Variants in VASN observed in about 807,000 individuals in gnomAD.
VASN encodes protein slit-like 2.
VASN carries 5 observed loss-of-function variants against 4.8 expected under a neutral mutation model. That is an observed-to-expected ratio of 1.03 (90% CI 0.54 to 2.17). The LOEUF is 2.17. Among genes scored for constraint, VASN ranks in the 30% most tolerant of loss-of-function variants. The pLI, the probability that VASN is intolerant of heterozygous loss-of-function variation, is 0.01. For synonymous variants in VASN, 499 were observed against 460.8 expected (o/e 1.08, Z -1.06); for missense variants, 927 against 948.8 (o/e 0.98, Z 0.30).
chr16:4,374,757 T>C (rs569522624), intron 1 of VASN, among the ~76,000 whole-genome samples: 1 of 151,916 alleles, frequency 6.6e-6, no homozygotes, highest in South Asian at 2.1e-4. Flanking sequence ...CCTGGGTGAT[T>C]GTGGGGGGTT....
At chr16:4,376,287 G>A (rs1247205672) in intron 1 of VASN, among the ~76,000 whole-genome samples, 2 of 152,216 alleles carry the variant, frequency 1.3e-5, no homozygotes, top group Admixed American at 6.5e-5. Context: ...GGAGCCAGCC[G>A]TCCTGGCCGC....
At chr16:4,373,778 GC>G (rs1215152774) in intron 1 of VASN, among the ~76,000 whole-genome samples, 1 of 152,164 alleles carries the variant, frequency 6.6e-6, no homozygotes, top group Admixed American at 6.5e-5. Context: ...AGAAAGCAGG[GC>G]CCTGCTGAGC....
rs770372960 is a variant in VASN, at chr16:4,382,370, A to T, written c.1493A>T (p.Tyr498Phe). 1.2e-6 allele frequency: 2 copies of T among 1,612,072 alleles called. No homozygotes were observed. Among genetic ancestry groups the T allele is most frequent in the East Asian group, 2.2e-5 (1 of 44,872 alleles). Residue 498 changes from tyrosine (Y) to phenylalanine (F), a missense_variant, in exon 2 of 2, where the codon TAT becomes TTT. Transcript: ENST00000304735. The stretch of plus-strand genomic sequence containing the variant: ...CAGCTCAGGAGCCTCCGTCTCACCT[A>T]TCGCAACCTATCGGGCCCTGATAAG... Reference protein sequence around the residue: ...SVQLRSLRLTYRNLSGPDKRL... With the variant: ...SVQLRSLRLTFRNLSGPDKRL...
Position 4,382,743 on chromosome 16 carries a change from G to C in VASN, c.1866G>C (p.Leu622=). 1.3e-6 allele frequency: 2 copies of C among 1,556,500 alleles called. No individual in the cohort carries two copies. Among genetic ancestry groups the C allele is most frequent in the Non-Finnish European group, 1.7e-6 (2 of 1,151,090 alleles). Residue 622 remains leucine, a synonymous_variant, in exon 2 of 2, where the codon CTG becomes CTC. Transcript: ENST00000304735. ...AGGTGGGGCCAGGGGCTGGGCCCCT[G>C]GAACTGGAGGGAGTGAAGGTCCCCT... The part of the protein sequence containing the change: ...KGQVGPGAGP[L]ELEGVKVPLE...
intron 1 of VASN, among the ~76,000 whole-genome samples, chr16:4,372,683 T>G (rs1320345257): frequency 6.6e-6 from 1 of 152,198 alleles, no homozygotes; most frequent in African/African-American, 2.4e-5. Context: ...CTGGCAGTGC[T>G]GGGGCCTGAG....
intron 1 of VASN, among the ~76,000 whole-genome samples, chr16:4,374,760 G>T (rs1397051050): frequency 1.3e-5 from 2 of 152,044 alleles, no homozygotes; most frequent in African/African-American, 4.8e-5. Context: ...GGGTGATTGT[G>T]GGGGGTTCGG....
Position 4,381,831 on chromosome 16 carries a change from C to T in VASN, c.954C>T (p.Val318=), listed in dbSNP as rs778083157. ...WFGPWVRESH[V]TLASPEETRC... Reference sequence around the variant, plus strand: ...GCCCCTGGGTGCGCGAGAGCCACGTCACACTGGCCAGCCCTGAGGAGACGC... The same window carrying T: ...GCCCCTGGGTGCGCGAGAGCCACGTTACACTGGCCAGCCCTGAGGAGACGC... The change falls in exon 2 of 2, where the codon GTC becomes GTT. Residue 318 remains valine (V), a synonymous_variant. Transcript: ENST00000304735. 1 of 1,601,368 alleles carries T rather than the reference C, an allele frequency of 6.2e-7. No individual in the cohort carries two copies. Among genetic ancestry groups the T allele is most frequent in the Admixed American group, 1.7e-5 (1 of 59,992 alleles).
At chr16:4,380,715 C>A (rs1393366145) in intron 1 of VASN, among the ~76,000 whole-genome samples, 154 bp from the exon 2 acceptor site, 1 of 152,248 alleles carries the variant, frequency 6.6e-6, no homozygotes, top group Admixed American at 6.5e-5. Context: ...TGGGACAGAA[C>A]CTGGGTCGGG....
chr16:4,373,026 G>C (rs2054589635), intron 1 of VASN, among the ~76,000 whole-genome samples: 1 of 152,158 alleles, frequency 6.6e-6, no homozygotes, highest in Admixed American at 6.5e-5. Context: ...TGAGGGCATA[G>C]AGGGGTGGCC....
At chr16:4,376,796 C>G (rs530174972) in intron 1 of VASN, among the ~76,000 whole-genome samples, 15 of 152,286 alleles carry the variant, frequency 9.8e-5, no homozygotes, top group Admixed American at 8.5e-4. Context: ...GTGCCCCCTT[C>G]CAGAACCAGA....
At chr16:4,372,859 T>C (rs1403710540) in intron 1 of VASN, among the ~76,000 whole-genome samples, 1 of 152,122 alleles carries the variant, frequency 6.6e-6, no homozygotes, top group Admixed American at 6.5e-5. Context: ...CCTGGGGGTC[T>C]AGGTGTCCCC....
At chr16:4,380,398 A>T (rs2054912522) in intron 1 of VASN, among the ~76,000 whole-genome samples, 1 of 152,230 alleles carries the variant, frequency 6.6e-6, no homozygotes, top group Non-Finnish European at 1.5e-5. Context: ...GGAGGGCGGG[A>T]CACGGAGCGT....
intron 1 of VASN, among the ~76,000 whole-genome samples, chr16:4,374,321 C>T (rs2054641316): frequency 1.3e-5 from 2 of 152,228 alleles, no homozygotes; most frequent in African/African-American, 4.8e-5. Context: ...GCCGGCCTCC[C>T]CCGCTTTTCC....
intron 1 of VASN, among the ~76,000 whole-genome samples, 165 bp from the exon 2 acceptor site, chr16:4,380,704 C>A (rs1343358584): frequency 6.6e-6 from 1 of 152,218 alleles, no homozygotes; most frequent in Non-Finnish European, 1.5e-5. Flanking sequence ...AGTGACGGGG[C>A]TGGGACAGAA....
intron 1 of VASN, among the ~76,000 whole-genome samples, chr16:4,377,849 C>T (rs1012760137): frequency 2.6e-5 from 4 of 152,216 alleles, no homozygotes; most frequent in African/African-American, 7.2e-5. Flanking sequence ...GGGAAGCAGG[C>T]TGGCTGCCGC....
Position 4,382,033 on chromosome 16 carries a change from G to T in VASN, c.1156G>T (p.Ala386Ser). 1 of 1,596,374 alleles carries T rather than the reference G, an allele frequency of 6.3e-7. No individual in the cohort carries two copies. Among genetic ancestry groups the T allele is most frequent in the Non-Finnish European group, 8.5e-7 (1 of 1,173,686 alleles). The change falls in exon 2 of 2, where the codon GCC (alanine) becomes TCC (serine). Residue 386 changes from alanine (A) to serine (S), a missense_variant. By Grantham distance (99) the Ala-to-Ser change is moderately conservative (BLOSUM62 1). Transcript: ENST00000304735. ...TACCTGGCTTAGCCCCACAGAGCCG[G>T]CCACTGAGGCCCCCAGCCCGCCCTC... ...APTWLSPTEP[A>S]TEAPSPPSTA...
At position 4,382,225 on chromosome 16, in the gene VASN, C is replaced by T. The variant is rs764619660; in HGVS notation, c.1348C>T (p.Arg450Trp). The change falls in exon 2 of 2, where the codon CGG becomes TGG. Residue 450 changes from arginine to tryptophan, a missense_variant. Coordinates refer to ENST00000304735, the MANE Select transcript of VASN (RefSeq NM_138440.3). ...YCESQMGQGTRPSPTPVTPRP... is the reference protein window; with the variant it reads ...YCESQMGQGTWPSPTPVTPRP... ...TGAGAGCCAGATGGGGCAGGGGACA[C>T]GGCCCAGCCCTACACCAGTCACGCC... 1.3e-5 allele frequency: 21 copies of T among 1,604,840 alleles called. No homozygotes were observed. The highest frequency in any genetic ancestry group is 1.2e-4 in the South Asian group (11 of 90,068).
Position 4,381,273 on chromosome 16 carries a change from C to T in VASN, c.396C>T (p.Gly132=). 6.2e-7 allele frequency: 1 copy of T among 1,611,726 alleles called. No homozygotes were observed. Among genetic ancestry groups the T allele is most frequent in the Non-Finnish European group, 8.5e-7 (1 of 1,179,508 alleles). The change falls in exon 2 of 2, where the codon GGC becomes GGT. Residue 132 remains glycine (G), a synonymous_variant. Coordinates refer to ENST00000304735, the MANE Select transcript of VASN (RefSeq NM_138440.3). ...GLRRLERLYL[G]KNRIRHIQPG... ...GGCGCCTCGAGCGCCTCTACCTGGG[C>T]AAGAACCGCATCCGCCACATCCAGC...
Position 4,381,884 on chromosome 16 carries a change from G to A in VASN, c.1007G>A (p.Gly336Asp). Reference protein sequence around the residue: ...TRCHFPPKNAGRLLLELDYAD... With the variant: ...TRCHFPPKNADRLLLELDYAD... ...TGCCACTTCCCGCCCAAGAACGCTG[G>A]CCGGCTGCTCCTGGAGCTTGACTAC... Residue 336 changes from glycine (G) to aspartate (D), a missense_variant, in exon 2 of 2, where the codon GGC (glycine) becomes GAC (aspartate). Transcript: ENST00000304735. The A allele has an allele frequency of 6.2e-7, 1 of 1,604,966 alleles. No homozygotes were observed. The highest frequency in any genetic ancestry group is 1.1e-5 in the South Asian group (1 of 90,952).
Sources: allele counts gnomAD v4.1 joint callset (sites outside exome capture counted in the v4.1 genomes callset), GRCh38; gene constraint gnomAD v4.1.1; transcripts MANE v1.5; gene names NCBI Gene and HGNC (gene_info 2026-07-23, HGNC 2026-07-21).